Variants in CNIH3 observed in about 807,000 individuals in gnomAD.
CNIH3 encodes protein cornichon homolog 3.
A neutral mutation model predicts 24.1 loss-of-function variants in CNIH3; 14 were observed. That is an observed-to-expected ratio of 0.58 (90% CI 0.38 to 0.91). The LOEUF (loss-of-function observed/expected upper bound fraction) is 0.91, where lower values mean the gene tolerates loss of function less well. CNIH3 is among the 40% of genes least tolerant of loss of function. The pLI, the probability that CNIH3 is intolerant of heterozygous loss-of-function variation, is 0.00. For synonymous variants in CNIH3, 68 were observed against 73.8 expected, an observed-to-expected ratio of 0.92 and a Z score of 0.40; for missense variants, 178 against 196.8, an observed-to-expected ratio of 0.90 and a Z score of 0.57.
chr1:224,541,177 G>A (rs1019947318), downstream of CNIH3, among the ~76,000 whole-genome samples: 3 of 152,174 alleles, frequency 2.0e-5, no homozygotes, highest in Non-Finnish European at 4.4e-5. Context: ...TGAATGAAAA[G>A]CACAGCGGAA....
chr1:224,583,863 G>A (rs1681380467), intron 5 of CNIH3, among the ~76,000 whole-genome samples: 1 of 152,186 alleles, frequency 6.6e-6, no homozygotes, highest in South Asian at 2.1e-4. Context: ...GGATAAGAAG[G>A]GTTGAATTTG....
intron 1 of CNIH3, among the ~76,000 whole-genome samples, chr1:224,457,127 G>A (rs1675697953): frequency 6.6e-6 from 1 of 152,224 alleles, no homozygotes; most frequent in Non-Finnish European, 1.5e-5. Context: ...CAGCAGGCAG[G>A]TCAGGCCTGG....
intron 1 of CNIH3, among the ~76,000 whole-genome samples, chr1:224,501,694 T>A (rs1313456205): frequency 6.6e-6 from 1 of 151,780 alleles, no homozygotes; most frequent in Non-Finnish European, 1.5e-5. Flanking sequence ...GATTTTCCTG[T>A]CTCAGCCTCT....
At chr1:224,725,706 C>A (rs892320487) in intron 3 of CNIH3, among the ~76,000 whole-genome samples, 2 of 152,190 alleles carry the variant, frequency 1.3e-5, no homozygotes, top group African/African-American at 4.8e-5. Context: ...AGACGGATCT[C>A]CAACAACAGG....
chr1:224,709,925 A>G (rs1014165345), intron 3 of CNIH3, among the ~76,000 whole-genome samples: 2 of 152,224 alleles, frequency 1.3e-5, no homozygotes, highest in Non-Finnish European at 2.9e-5. Context: ...TTTCCTATCC[A>G]TACATATCTA....
intron 1 of CNIH3, among the ~76,000 whole-genome samples, chr1:224,478,855 C>A (rs1676688230): frequency 6.6e-6 from 1 of 152,148 alleles, no homozygotes. Flanking sequence ...AGCAGCAAGT[C>A]ACATCTTATG....
intron 3 of CNIH3, among the ~76,000 whole-genome samples, chr1:224,554,412 G>A (rs994012930): frequency 5.3e-5 from 8 of 152,028 alleles, no homozygotes; most frequent in African/African-American, 1.9e-4. Flanking sequence ...TCACCCCTCT[G>A]TATCATGGGT....
At chr1:224,591,781 T>G (rs12145617), downstream of CNIH3, among the ~76,000 whole-genome samples, 1 of 152,202 alleles carries the variant, frequency 6.6e-6, no homozygotes, top group East Asian at 1.9e-4. Context: ...GATTTGGGCA[T>G]GACTGCTAGC....
At chr1:224,536,353 G>T (rs780598441) in intron 2 of CNIH3, among the ~76,000 whole-genome samples, 1 of 146,208 alleles carries the variant, frequency 6.8e-6, no homozygotes, top group Non-Finnish European at 1.5e-5. Flanking sequence ...GTACAATGGC[G>T]TGATCTCAGC....
At chr1:224,588,451 T>A (rs1486838825) in exon 6 of CNIH3, 2 of 152,144 alleles carry the variant, frequency 1.3e-5, no homozygotes, top group Admixed American at 1.3e-4. Context: ...GGGGCTCCAA[T>A]GATGATGTCT....
downstream of CNIH3, chr1:224,537,108 T>C (rs1269444031): frequency 2.6e-5 from 4 of 152,168 alleles, no homozygotes; most frequent in Non-Finnish European, 5.9e-5. Flanking sequence ...GCTACAAAGA[T>C]TTTTTAAAAA....
At chr1:224,606,496 G>A (rs115715830) in intron 3 of CNIH3, among the ~76,000 whole-genome samples, 1,688 of 152,194 alleles carry the variant, frequency 0.011, 16 homozygotes, top group Non-Finnish European at 0.019. Flanking sequence ...TCCTCTTGAC[G>A]TTCAGTCACT....
At chr1:224,552,235 A>C (rs1679952067) in intron 3 of CNIH3, among the ~76,000 whole-genome samples, 1 of 151,354 alleles carries the variant, frequency 6.6e-6, no homozygotes, top group Non-Finnish European at 1.5e-5. Flanking sequence ...ACCCACTCTG[A>C]TATTAAGAGT....
chr1:224,673,883 G>A (rs2125133745), intron 1 of CNIH3, among the ~76,000 whole-genome samples: 1 of 152,236 alleles, frequency 6.6e-6, no homozygotes, highest in South Asian at 2.1e-4. Flanking sequence ...AGCACAGCGT[G>A]CTGGATGGAG....
At chr1:224,538,964 C>T (rs1679405611), downstream of CNIH3, among the ~76,000 whole-genome samples, 2 of 151,760 alleles carry the variant, frequency 1.3e-5, no homozygotes, top group African/African-American at 4.8e-5. Context: ...CTATTATGCC[C>T]AGCCTCTACT....
Position 224,507,828 on chromosome 1 carries a change from A to G in CNIH3, n.204-7913A>G, listed in dbSNP as rs186961303. Among the ~76,000 whole-genome samples the G allele has an allele frequency of 3.7e-3, 560 of 152,348 alleles. 4 individuals are homozygous for G. Among genetic ancestry groups the G allele is most frequent in the African/African-American group, 0.013 (527 of 41,578 alleles). The stretch of plus-strand genomic sequence containing the variant: ...ATGTTCACATTTAGAGATATTTACT[A>G]TGTGCAATGCACTGTGGTGATATGA... On this transcript the variant is annotated intron_variant and non_coding_transcript_variant, in intron 1 of 5. Transcript: ENST00000471578.
At chr1:224,467,792 GTT>G (rs201478820) in intron 1 of CNIH3, among the ~76,000 whole-genome samples, 2 of 141,300 alleles carry the variant, frequency 1.4e-5, no homozygotes, top group African/African-American at 5.2e-5. Context: ...ATTTCCTCCT[GTT>G]TTTTTTTTTT....
intron 2 of CNIH3, among the ~76,000 whole-genome samples, chr1:224,544,318 T>C (rs566229754): frequency 6.6e-6 from 1 of 152,214 alleles, no homozygotes; most frequent in Non-Finnish European, 1.5e-5. Context: ...TCAGCAGTGA[T>C]AATTTAACTA....
intron 1 of CNIH3, among the ~76,000 whole-genome samples, chr1:224,463,419 T>G (rs1676010904): frequency 6.6e-6 from 1 of 152,064 alleles, no homozygotes; most frequent in Non-Finnish European, 1.5e-5. Flanking sequence ...CAAGTCTTTT[T>G]TTTTTTGAGG....
Sources: gnomAD v4.1 joint callset for allele counts (sites outside exome capture counted in the v4.1 genomes callset) on GRCh38, gnomAD v4.1.1 for gene constraint, MANE v1.5 for transcripts, NCBI Gene and HGNC (gene_info 2026-07-23, HGNC 2026-07-21) for gene names.